The following EVC2 variants were observed in gnomAD, a reference collection of about 807,000 sequenced individuals.
EVC2 encodes the protein limbin.
Under a neutral mutation model 149.3 loss-of-function variants are expected in EVC2, and 148 were observed. The observed-to-expected ratio is 0.99, with a 90% CI of 0.87 to 1.14. The LOEUF (loss-of-function observed/expected upper bound fraction) is 1.14, where lower values mean the gene tolerates loss of function less well. EVC2 is among the 50% of genes most tolerant of loss of function. The pLI is 0.00. For missense variants in EVC2, 1,854 were observed against 1,627.3 expected, an observed-to-expected ratio of 1.14 and a Z score of -2.40; for synonymous variants, 776 against 649.9, an observed-to-expected ratio of 1.19 and a Z score of -2.95.
chr4:5,649,163 C>T (rs57086043), intron 9 of EVC2, among the ~76,000 whole-genome samples: 3,265 of 152,294 alleles, frequency 0.021, 113 homozygotes, highest in African/African-American at 0.073. Flanking sequence ...CTCAACAGCT[C>T]GGCAAAGTTA....
chr4:5,645,632 T>G (rs948175758), intron 9 of EVC2, among the ~76,000 whole-genome samples: 1 of 152,238 alleles, frequency 6.6e-6, no homozygotes, highest in African/African-American at 2.4e-5. Context: ...ATGGTGTATA[T>G]GTACCACATT....
intron 12 of EVC2, among the ~76,000 whole-genome samples, chr4:5,626,205 G>A (rs575486004): frequency 1.3e-5 from 2 of 152,210 alleles, no homozygotes; most frequent in African/African-American, 4.8e-5. Context: ...AAGGTGAGAT[G>A]GTAGATTAAA....
chr4:5,663,009 A>T (rs1367233272), intron 9 of EVC2, 98 bp downstream of exon 9: 3 of 1,496,120 alleles, frequency 2.0e-6, no homozygotes, highest in Non-Finnish European at 2.8e-6. Context: ...CAAATGATTA[A>T]CTGAATGAAT....
chr4:5,610,586 C>A (rs1394491510), intron 16 of EVC2, among the ~76,000 whole-genome samples: 2 of 152,124 alleles, frequency 1.3e-5, no homozygotes, highest in Admixed American at 1.3e-4. Flanking sequence ...AAATGTAAAC[C>A]ATAGACATGA....
At chr4:5,706,809 C>T (rs1354944011) in intron 1 of EVC2, among the ~76,000 whole-genome samples, 1 of 152,152 alleles carries the variant, frequency 6.6e-6, no homozygotes, top group Admixed American at 6.5e-5. Context: ...GCCCAGGGGA[C>T]GTGCTCAAGA....
At chr4:5,591,013 C>G (rs1712747151) in intron 16 of EVC2, among the ~76,000 whole-genome samples, 1 of 152,014 alleles carries the variant, frequency 6.6e-6, no homozygotes, top group African/African-American at 2.4e-5. Flanking sequence ...GTAACTGCCC[C>G]CATGATTAAG....
At chr4:5,699,857 T>C (rs1281581034) in intron 1 of EVC2, among the ~76,000 whole-genome samples, 1 of 151,896 alleles carries the variant, frequency 6.6e-6, no homozygotes, top group Admixed American at 6.6e-5. Context: ...TAATAAATAA[T>C]AGGCTGGGTA....
In EVC2 at chr4:5,640,542, T is replaced by C. The variant is rs200984738; in HGVS notation, c.1442A>G (p.Glu481Gly). 1.2e-6 allele frequency: 2 copies of C among 1,614,186 alleles called. No individual in the cohort carries two copies. Among genetic ancestry groups the C allele is most frequent in the South Asian group, 1.1e-5 (1 of 91,078 alleles). ...CTCACCAGCACGTTTCAGCAACTCT[T>C]CTGCTTCCTCCATTGCCATCATCTC... ...QREMMAMEEAEELLKRAGERS... is the reference protein window; with the variant it reads ...QREMMAMEEAGELLKRAGERS... The change falls in exon 10 of 22, where the codon GAA (glutamate) becomes GGA (glycine). Residue 481 changes from glutamate to glycine, a missense_variant. By Grantham distance (98) the Glu-to-Gly change is moderately conservative (BLOSUM62 -2). Coordinates refer to ENST00000344408, the MANE Select transcript of EVC2 (RefSeq NM_147127.5). This position sits in a 1 kb window ranked among gnomAD's most constrained non-coding sequence, Gnocchi z 4.6.
At position 5,565,296 on chromosome 4, in the gene EVC2, T is replaced by C; in HGVS notation, c.3621A>G (p.Gly1207=). The stretch of plus-strand genomic sequence containing the variant: ...TGCGGGCCCACAGCATCTTTTCTAA[T>C]CCTCTGCTTATCAGATCTCCTCGCA... ...GKLRGDLISR[G]LEKMLWARKR... Residue 1207 remains glycine, a synonymous_variant, in exon 21 of 22, where the codon GGA becomes GGG. Transcript: ENST00000344408. The C allele has an allele frequency of 1.2e-6, 2 of 1,614,110 alleles. No homozygotes were observed. The highest frequency in any genetic ancestry group is 2.2e-5 in the East Asian group (1 of 44,872).
chr4:5,668,413 T>C (rs1034609578), intron 7 of EVC2, among the ~76,000 whole-genome samples: 2 of 152,232 alleles, frequency 1.3e-5, no homozygotes, highest in African/African-American at 4.8e-5. Flanking sequence ...GAACCAATTC[T>C]GTTTTCTTGC....
intron 21 of EVC2, among the ~76,000 whole-genome samples, chr4:5,556,592 G>A (rs1721845162): frequency 6.6e-6 from 1 of 151,960 alleles, no homozygotes; most frequent in South Asian, 2.1e-4. Context: ...ATAAAAAATA[G>A]AGCAAAAGTC....
chr4:5,687,416 G>A (rs975582211), intron 5 of EVC2, among the ~76,000 whole-genome samples: 1 of 152,158 alleles, frequency 6.6e-6, no homozygotes, highest in Non-Finnish European at 1.5e-5. Context: ...CATGCCCAGA[G>A]GAGAGATGGA....
In EVC2 at chr4:5,708,510, C is replaced by T; in HGVS notation, c.4G>A (p.Asp2Asn). The T allele has an allele frequency of 6.8e-7, 1 of 1,468,100 alleles. No homozygotes were observed. The highest frequency in any genetic ancestry group is 8.9e-7 in the Non-Finnish European group (1 of 1,117,530). The allele number at this position is 1,468,100 out of a possible 1,614,324, so 90.9% of individuals were successfully genotyped here. MDPSGSRGRPTW... is the reference protein window; with the variant it reads MNPSGSRGRPTW... ...GGGCGCCCCCGGGAGCCCGAGGGGTCCATCGCCTGTCGGGACCCGCTACCT... is the reference window on the plus strand; with the variant it reads ...GGGCGCCCCCGGGAGCCCGAGGGGTTCATCGCCTGTCGGGACCCGCTACCT... The change falls in exon 1 of 22, where the codon GAC becomes AAC. Residue 2 changes from aspartate to asparagine, a missense_variant. Asp to Asn is a conservative substitution (Grantham distance 23, BLOSUM62 1). Coordinates refer to ENST00000344408, the MANE Select transcript of EVC2 (RefSeq NM_147127.5).
At chr4:5,538,840 G>A (rs1485322082), downstream of EVC2, among the ~76,000 whole-genome samples, 6 of 152,118 alleles carry the variant, frequency 3.9e-5, no homozygotes, top group Admixed American at 2.0e-4. Flanking sequence ...GGTTATCCAC[G>A]AAAAACCCAC....
At chr4:5,641,198 C>A (rs1036383048) in intron 9 of EVC2, among the ~76,000 whole-genome samples, 1 of 152,096 alleles carries the variant, frequency 6.6e-6, no homozygotes, top group Non-Finnish European at 1.5e-5. Context: ...CATTAAAAAT[C>A]AATTTATGGA....
chr4:5,571,484 G>A (rs1018933122), intron 19 of EVC2, among the ~76,000 whole-genome samples: 4 of 151,900 alleles, frequency 2.6e-5, no homozygotes, highest in Admixed American at 2.0e-4. Context: ...GGAACATAAA[G>A]CAACACAGGG....
intron 14 of EVC2, among the ~76,000 whole-genome samples, chr4:5,621,561 C>A (rs1468319592): frequency 6.6e-6 from 1 of 152,204 alleles, no homozygotes; most frequent in Non-Finnish European, 1.5e-5. Flanking sequence ...CCCAAACAAC[C>A]ACCAAAAGCT....
At chr4:5,590,163 G>A (rs1357706837) in intron 16 of EVC2, among the ~76,000 whole-genome samples, 2 of 152,122 alleles carry the variant, frequency 1.3e-5, no homozygotes, top group African/African-American at 4.8e-5. Context: ...AAGCCGTAAA[G>A]GTGTGGGGGA....
chr4:5,599,305 A>G (rs947463811), intron 16 of EVC2, among the ~76,000 whole-genome samples: 9 of 152,088 alleles, frequency 5.9e-5, no homozygotes, highest in African/African-American at 2.2e-4. Flanking sequence ...ACAATAGCAA[A>G]GACTTGGAAC....
Sources: allele counts gnomAD v4.1 joint callset (sites outside exome capture counted in the v4.1 genomes callset), GRCh38; gene constraint gnomAD v4.1.1; non-coding constraint Gnocchi (gnomAD v3.1); transcripts MANE v1.5; gene names NCBI Gene and HGNC (gene_info 2026-07-23, HGNC 2026-07-21).